The following CEACAM3 variants were observed in gnomAD, a reference collection of about 807,000 sequenced individuals.
CEACAM3 encodes the protein CEA cell adhesion molecule 3, also known as cell adhesion molecule CEACAM3.
A neutral mutation model predicts 30.1 loss-of-function variants in CEACAM3; 32 were observed. That is an observed-to-expected ratio of 1.06 (90% CI 0.80 to 1.43). The LOEUF (loss-of-function observed/expected upper bound fraction) is 1.43. Among genes scored for constraint, CEACAM3 ranks in the 40% most tolerant of loss-of-function variants. The pLI, the probability that CEACAM3 is intolerant of heterozygous loss-of-function variation, is 0.00. For missense variants in CEACAM3, 290 were observed against 316.3 expected (o/e 0.92, Z 0.63); for synonymous variants, 134 against 127.2 (o/e 1.05, Z -0.36).
Position 41,808,856 on chromosome 19 carries a change from C to T in CEACAM3, c.468C>T (p.Ile156=), listed in dbSNP as rs373811346. The T allele has an allele frequency of 3.1e-6, 5 of 1,611,326 alleles. No homozygotes were observed. The highest frequency in any genetic ancestry group is 4.2e-6 in the Non-Finnish European group (5 of 1,178,666). ...TTCCTGTGGGGGCCGTCGCCGGCAT[C>T]GTGACCGGGGTCCTGGTCGGAGTGG... ...PGLPVGAVAG[I]VTGVLVGVAL... The change falls in exon 3 of 7, where the codon ATC becomes ATT. Residue 156 remains isoleucine, a synonymous_variant. Coordinates refer to ENST00000357396, the MANE Select transcript of CEACAM3 (RefSeq NM_001815.5).
intron 2 of CEACAM3, chr19:41,807,010 G>T: frequency 6.5e-7 from 1 of 1,533,708 alleles, no homozygotes; most frequent in Non-Finnish European, 8.8e-7. Context: ...TTAAGGAGTG[G>T]AGTTGGCCAA....
At chr19:41,808,158 C>G (rs1314813105) in intron 2 of CEACAM3, among the ~76,000 whole-genome samples, 2 of 152,216 alleles carry the variant, frequency 1.3e-5, no homozygotes, top group East Asian at 3.8e-4. Flanking sequence ...ACCCTGAGCC[C>G]TCTCACTCCA....
Position 41,808,889 on chromosome 19 carries a change from G to A in CEACAM3, c.501G>A (p.Val167=). Residue 167 remains valine, a synonymous_variant, in exon 3 of 7, where the codon GTG becomes GTA. Transcript: ENST00000357396. ...GGGTCCTGGTCGGAGTGGCGCTGGTGGCCGCGCTGGTGTGTTTCCTGCTCC... is the reference window on the plus strand; with the variant it reads ...GGGTCCTGGTCGGAGTGGCGCTGGTAGCCGCGCTGGTGTGTTTCCTGCTCC... ...VTGVLVGVAL[V]AALVCFLLLA... is the part of the protein sequence containing the mutation. 1 of 1,608,028 alleles carries A rather than the reference G, an allele frequency of 6.2e-7. No homozygotes were observed. The highest frequency in any genetic ancestry group is 8.5e-7 in the Non-Finnish European group (1 of 1,177,216).
intron 2 of CEACAM3, 30 bp from the exon 3 acceptor site, chr19:41,808,783 T>C (rs375657645): frequency 1.3e-6 from 2 of 1,581,698 alleles, no homozygotes; most frequent in African/African-American, 2.7e-5. Context: ...GACTTGGGCC[T>C]CTATCCCCTT....
At chr19:41,810,809 T>A in intron 5 of CEACAM3, 23 bp from the exon 6 acceptor site, 1 of 1,603,454 alleles carries the variant, frequency 6.2e-7, no homozygotes, top group Non-Finnish European at 8.5e-7. Context: ...TGGGCCTCCA[T>A]GACCCTCCCT....
At chr19:41,808,303 A>G (rs2073219598) in intron 2 of CEACAM3, among the ~76,000 whole-genome samples, 1 of 152,142 alleles carries the variant, frequency 6.6e-6, no homozygotes, top group South Asian at 2.1e-4. Flanking sequence ...GAGGTGCTTT[A>G]AGTCTCAGAT....
intron 2 of CEACAM3, among the ~76,000 whole-genome samples, chr19:41,803,426 ATG>A (rs1164324050): frequency 0.023 from 2,951 of 128,778 alleles, 31 homozygotes; most frequent in Non-Finnish European, 0.029. Context: ...TTGTGTGTGT[ATG>A]TGTGTGTGTG....
intron 5 of CEACAM3, among the ~76,000 whole-genome samples, chr19:41,810,613 A>G (rs542744463): frequency 4.1e-4 from 62 of 152,216 alleles, no homozygotes; most frequent in Admixed American, 1.1e-3. Context: ...GGACACTGGG[A>G]CCATCAGTCA....
At position 41,797,757 on chromosome 19, in the gene CEACAM3, T is replaced by A. The variant is rs61738269; in HGVS notation, c.233T>A (p.Leu78Gln). ...GGGGAAAGAGTGGATGGCAACAGTCTAATTGTAGGATATGTAATAGGAACT... is the reference window on the plus strand; with the variant it reads ...GGGGAAAGAGTGGATGGCAACAGTCAAATTGTAGGATATGTAATAGGAACT... ...YKGERVDGNSLIVGYVIGTQQ... is the reference protein window; with the variant it reads ...YKGERVDGNSQIVGYVIGTQQ... Residue 78 changes from leucine to glutamine, a missense_variant, in exon 2 of 7, where the codon CTA (leucine) becomes CAA (glutamine). Physicochemically the swap from Leu to Gln is moderately radical, Grantham distance 113. Transcript: ENST00000357396. 11,870 of 1,603,950 alleles carry A rather than the reference T, an allele frequency of 7.4e-3. 1,100 individuals are homozygous for A. In the African/African-American group the frequency reaches 0.14, roughly 19 times the overall value.
At chr19:41,805,557 G>A (rs2073192015) in intron 2 of CEACAM3, among the ~76,000 whole-genome samples, 1 of 152,092 alleles carries the variant, frequency 6.6e-6, no homozygotes, top group South Asian at 2.1e-4. Context: ...CCAAAAGGCT[G>A]GGATTACAGG....
In CEACAM3 at chr19:41,796,726, G is replaced by A. The variant is rs147069793; in HGVS notation, c.49G>A (p.Gly17Arg). 2.5e-6 allele frequency: 4 copies of A among 1,613,412 alleles called. No individual in the cohort carries two copies. The African/African-American group carries it at 4.0e-5, about 16-fold the overall frequency. The part of the protein sequence containing the change: ...SPHRECIPWQ[G>R]LLLTASLLNF... ...CCACAGAGAATGCATCCCCTGGCAG[G>A]GGCTTCTGCTCACAGGTGAGTGGAG... The change falls in exon 1 of 7, where the codon GGG becomes AGG. Residue 17 changes from glycine (G) to arginine (R), a missense_variant. Gly to Arg is a moderately radical substitution (Grantham distance 125). Coordinates refer to ENST00000357396, the MANE Select transcript of CEACAM3 (RefSeq NM_001815.5).
chr19:41,806,170 G>A (rs2073198111), intron 2 of CEACAM3, among the ~76,000 whole-genome samples: 3 of 152,206 alleles, frequency 2.0e-5, no homozygotes, highest in South Asian at 4.1e-4. Flanking sequence ...TGGAATTACA[G>A]GCATGCTCCA....
chr19:41,797,336 C>G lies in CEACAM3; in HGVS notation c.65-253C>G, dbSNP rs1218737192. ...TCAGGGGAGGGATCTCCCAAGGATGCCCTGATGTGAGCAGGATCTGAGGGC... is the reference window on the plus strand; with the variant it reads ...TCAGGGGAGGGATCTCCCAAGGATGGCCTGATGTGAGCAGGATCTGAGGGC... On this transcript the variant is annotated intron_variant, in intron 1 of 6. Transcript: ENST00000357396. The G allele has an allele frequency of 8.1e-6, 4 of 494,174 alleles. No homozygotes were observed. The East Asian group carries it at 1.4e-4, about 17-fold the overall frequency. 30.6% of individuals were successfully genotyped at this position (494,174 alleles called of 1,614,324 possible). A position where few individuals can be genotyped will look rare whatever the true frequency, so the allele number is the denominator to read the frequency against.
intron 2 of CEACAM3, among the ~76,000 whole-genome samples, chr19:41,802,985 A>C (rs1297290725): frequency 2.0e-5 from 3 of 152,176 alleles, no homozygotes; most frequent in Non-Finnish European, 4.4e-5. Flanking sequence ...GCGTCACTGA[A>C]CACCTGCTCA....
rs12977872 is a variant in CEACAM3, at chr19:41,796,595, C to T, written c.-83C>T. 3 of 1,517,692 alleles carry T rather than the reference C, an allele frequency of 2.0e-6. No individual in the cohort carries two copies. Among genetic ancestry groups the T allele is most frequent in the East Asian group, 2.3e-5 (1 of 44,208 alleles). 94.0% of individuals were successfully genotyped at this position (1,517,692 alleles called of 1,614,324 possible). Reference sequence around the variant, plus strand: ...ATGGAAAGAGGAAGGACAGCAGAGCCTAAGTCACAGTAGCCCTGACTACAG... The same window carrying T: ...ATGGAAAGAGGAAGGACAGCAGAGCTTAAGTCACAGTAGCCCTGACTACAG... On this transcript the variant is annotated 5_prime_UTR_variant, in exon 1 of 7. Transcript: ENST00000357396.
At position 41,811,268 on chromosome 19, in the gene CEACAM3, T is replaced by C. The variant is rs1555827640; in HGVS notation, c.*31T>C. The C allele has an allele frequency of 6.3e-6, 10 of 1,596,598 alleles. No homozygotes were observed. Among genetic ancestry groups the C allele is most frequent in the South Asian group, 2.2e-5 (2 of 90,742 alleles). ...TCCAGGAGCTGCTCCTGTGTGTTGA[T>C]GGAGAGTCCCCAAGGCCCCCAGCCC... On this transcript the variant is annotated 3_prime_UTR_variant, in exon 7 of 7. Transcript: ENST00000357396.
intron 3 of CEACAM3, chr19:41,809,508 G>C (rs1555827294): frequency 5.9e-6 from 1 of 168,784 alleles, no homozygotes; most frequent in East Asian, 1.8e-4. Context: ...GAGAGGACAA[G>C]GACACTGTCC....
At chr19:41,803,068 CA>C (rs61098711) in intron 2 of CEACAM3, among the ~76,000 whole-genome samples, 75,202 of 151,122 alleles carry the variant, frequency 0.5, 21,286 homozygotes, top group Middle Eastern at 0.73. Context: ...AAGGCAAAAA[CA>C]AAAAAAAATG....
rs147727874 is a variant in CEACAM3 at position 41,810,153 on chromosome 19, A to T, written c.595+136A>T. The T allele has an allele frequency of 2.1e-3, 2,698 of 1,276,748 alleles. 24 individuals are homozygous for T. The highest frequency in any genetic ancestry group is 0.018 in the African/African-American group (1,225 of 67,640). The allele number at this position is 1,276,748 out of a possible 1,614,324, so 79.1% of individuals were successfully genotyped here. A position where few individuals can be genotyped will look rare whatever the true frequency, so the allele number is the denominator to read the frequency against. On this transcript the variant is annotated intron_variant, in intron 4 of 6. Transcript: ENST00000357396. Reference sequence around the variant, plus strand: ...AGGAGGATCTCATAAAACATCACACAGGGGACCCCAATTGCTTGGGTCAGC... The same window carrying T: ...AGGAGGATCTCATAAAACATCACACTGGGGACCCCAATTGCTTGGGTCAGC...
Sources: gnomAD v4.1 joint callset for allele counts (sites outside exome capture counted in the v4.1 genomes callset) on GRCh38, gnomAD v4.1.1 for gene constraint, MANE v1.5 for transcripts, NCBI Gene and HGNC (gene_info 2026-07-23, HGNC 2026-07-21) for gene names.